The following KALRN variants were observed in gnomAD, a reference collection of about 807,000 sequenced individuals.
KALRN encodes the protein kalirin.
In KALRN, 70 loss-of-function variants were observed where a neutral mutation model predicts 353.7. The observed-to-expected ratio is 0.20, with a 90% CI of 0.16 to 0.24. The LOEUF is 0.24. Ranked by LOEUF, KALRN falls within the 10% of genes least tolerant of loss-of-function variation. KALRN has a pLI of 1.00. For missense variants in KALRN, 2,791 were observed against 3,756.7 expected (o/e 0.74, Z 6.72); for synonymous variants, 1,391 against 1,434.8 (o/e 0.97, Z 0.69).
intron 27 of KALRN, among the ~76,000 whole-genome samples, chr3:124,481,017 C>T (rs1480806841): frequency 2.0e-5 from 3 of 151,776 alleles, no homozygotes; most frequent in African/African-American, 4.8e-5. Flanking sequence ...GAGTATATAC[C>T]TAGAACTTGA....
intron 53 of KALRN, 78 bp from the exon 54 acceptor site, chr3:124,696,056 G>T (rs908808163): frequency 2.0e-6 from 3 of 1,526,870 alleles, no homozygotes; most frequent in Non-Finnish European, 2.7e-6. Context: ...CACACCATGG[G>T]CCAACCCTAT....
At chr3:124,204,325 TA>T (rs1433573266) in intron 1 of KALRN, among the ~76,000 whole-genome samples, 7 of 152,216 alleles carry the variant, frequency 4.6e-5, no homozygotes, top group African/African-American at 1.7e-4. Context: ...TTTCTACTTT[TA>T]AAAATCTTCT....
At position 124,724,752 on chromosome 3, in the gene KALRN, G is replaced by A. The variant is rs1057409567; in HGVS notation, c.*5282G>A. On this transcript the variant is annotated 3_prime_UTR_variant, in exon 60 of 60. Coordinates refer to ENST00000682506, the MANE Select transcript of KALRN (RefSeq NM_001388419.1). ...ATCATAAAACATATTTTCTATGAAA[G>A]GCATTTCTTCCTCATCTTCAATAAA... The A allele has an allele frequency of 6.6e-6, 1 of 152,102 alleles. No individual in the cohort carries two copies. The highest frequency in any genetic ancestry group is 1.5e-5 in the Non-Finnish European group (1 of 68,014). The allele number at this position is 152,102 out of a possible 1,614,324, so 9.4% of individuals were successfully genotyped here.
intron 34 of KALRN, among the ~76,000 whole-genome samples, chr3:124,585,732 G>A (rs764942767): frequency 6.6e-6 from 1 of 152,174 alleles, no homozygotes; most frequent in Non-Finnish European, 1.5e-5. Flanking sequence ...AGGATAGCGG[G>A]GGAAGACTGT....
chr3:124,693,132 G>A (rs924550975), intron 51 of KALRN, among the ~76,000 whole-genome samples: 1 of 152,188 alleles, frequency 6.6e-6, no homozygotes, highest in African/African-American at 2.4e-5. Context: ...CACCTATGAA[G>A]TGGAAAGGGT....
chr3:124,438,826 G>T lies in KALRN; in HGVS notation c.3049-62G>T, dbSNP rs2093568838. 6.8e-6 allele frequency: 10 copies of T among 1,475,384 alleles called. No individual in the cohort carries two copies. The Admixed American group carries it at 1.1e-4, about 16-fold the overall frequency. 91.4% of individuals were successfully genotyped at this position (1,475,384 alleles called of 1,614,324 possible). A position where few individuals can be genotyped will look rare whatever the true frequency, so the allele number is the denominator to read the frequency against. ...ATGTGTAGGCTTCTATAGGCTGAAGGTCCTCAGAGAATAATTCCTGAATAA... is the reference window on the plus strand; with the variant it reads ...ATGTGTAGGCTTCTATAGGCTGAAGTTCCTCAGAGAATAATTCCTGAATAA... On this transcript the variant is annotated intron_variant, in intron 17 of 59. Coordinates refer to ENST00000682506, the MANE Select transcript of KALRN (RefSeq NM_001388419.1).
chr3:124,461,646 T>C (rs1025609879), intron 23 of KALRN, among the ~76,000 whole-genome samples: 1 of 152,066 alleles, frequency 6.6e-6, no homozygotes, highest in Non-Finnish European at 1.5e-5. Context: ...AGAGAGAATA[T>C]GGACCTAGCT....
chr3:124,062,834 A>C (rs976781583), intron 1 of KALRN, among the ~76,000 whole-genome samples: 5 of 152,206 alleles, frequency 3.3e-5, no homozygotes, highest in African/African-American at 1.2e-4. Flanking sequence ...TGTGGTACTG[A>C]AGTATACGTA....
At chr3:124,434,713 A>G (rs1159790080) in intron 17 of KALRN, among the ~76,000 whole-genome samples, 188 bp downstream of exon 17, 1 of 152,230 alleles carries the variant, frequency 6.6e-6, no homozygotes, top group East Asian at 1.9e-4. Context: ...GCACTGGACT[A>G]TGGGGTTTGT....
In KALRN at chr3:124,487,925, C is replaced by G. The variant is rs547959251; in HGVS notation, c.4285-279C>G. Among the ~76,000 whole-genome samples the G allele has an allele frequency of 2.6e-5, 4 of 152,312 alleles. No homozygotes were observed. In the East Asian group the frequency reaches 7.7e-4, roughly 29 times the overall value. Reference sequence around the variant, plus strand: ...CTTCTCTAAGAGGGCAGTCCAGTGACAGAGAATGCCTCAGTTGCTGCCTTA... The same window carrying G: ...CTTCTCTAAGAGGGCAGTCCAGTGAGAGAGAATGCCTCAGTTGCTGCCTTA... On this transcript the variant is annotated intron_variant, in intron 28 of 59. Coordinates refer to ENST00000682506, the MANE Select transcript of KALRN (RefSeq NM_001388419.1).
At chr3:124,323,281 C>A (rs927676323) in intron 6 of KALRN, among the ~76,000 whole-genome samples, 1 of 152,162 alleles carries the variant, frequency 6.6e-6, no homozygotes, top group African/African-American at 2.4e-5. Context: ...TGGTTCAGAT[C>A]CCTTCCCTCT....
chr3:124,351,238 C>T (rs2082802439), intron 10 of KALRN, among the ~76,000 whole-genome samples: 1 of 152,124 alleles, frequency 6.6e-6, no homozygotes, highest in African/African-American at 2.4e-5. Flanking sequence ...GTAAGAAGAT[C>T]AATGACAGAA....
chr3:124,252,799 G>C (rs1457540364), intron 3 of KALRN, among the ~76,000 whole-genome samples: 1 of 152,198 alleles, frequency 6.6e-6, no homozygotes, highest in Admixed American at 6.5e-5. Context: ...TGACCCAGCG[G>C]AGAGAGCGCA....
intron 1 of KALRN, among the ~76,000 whole-genome samples, chr3:124,191,585 T>G (rs1326038787): frequency 1.3e-5 from 2 of 152,236 alleles, no homozygotes; most frequent in African/African-American, 4.8e-5. Context: ...GGGGCTGGAA[T>G]GTCTAAGATG....
chr3:124,191,702 G>A (rs2074937648), intron 1 of KALRN, among the ~76,000 whole-genome samples: 1 of 152,116 alleles, frequency 6.6e-6, no homozygotes, highest in Non-Finnish European at 1.5e-5. Flanking sequence ...GCTAGCTTGG[G>A]CTTCCTCACA....
At chr3:124,424,327 GC>G (rs1416751765) in intron 15 of KALRN, among the ~76,000 whole-genome samples, 13 of 152,210 alleles carry the variant, frequency 8.5e-5, no homozygotes, top group Admixed American at 2.6e-4. Flanking sequence ...CCATAGCTCA[GC>G]ATGCTGAAAC....
chr3:124,420,953 G>T (rs1250373659), intron 14 of KALRN, among the ~76,000 whole-genome samples: 1 of 152,142 alleles, frequency 6.6e-6, no homozygotes, highest in African/African-American at 2.4e-5. Context: ...AGATTGGCAG[G>T]CTCCTTTGGG....
chr3:124,325,841 A>C (rs895723085), intron 6 of KALRN, 139 bp from the exon 7 acceptor site: 4 of 543,870 alleles, frequency 7.4e-6, no homozygotes, highest in Non-Finnish European at 1.3e-5. Flanking sequence ...GCCAAAAACA[A>C]ATACACTAGT....
chr3:124,596,693 T>C (rs1051211688), intron 34 of KALRN, among the ~76,000 whole-genome samples: 2 of 152,222 alleles, frequency 1.3e-5, no homozygotes, highest in Non-Finnish European at 2.9e-5. Context: ...TTGATGTATG[T>C]AAATCACTTG....
Sources: gnomAD v4.1 joint callset for allele counts (sites outside exome capture counted in the v4.1 genomes callset) on GRCh38, gnomAD v4.1.1 for gene constraint, MANE v1.5 for transcripts, NCBI Gene and HGNC (gene_info 2026-07-23, HGNC 2026-07-21) for gene names.